Variants in PDE4DIP observed in about 807,000 individuals in gnomAD.
PDE4DIP encodes the protein myomegalin.
Under a neutral mutation model 221.4 loss-of-function variants are expected in PDE4DIP, and 59 were observed. The observed-to-expected ratio is 0.27, with a 90% CI of 0.22 to 0.33. PDE4DIP has a LOEUF of 0.33. Among genes scored for constraint, PDE4DIP ranks in the 10% least tolerant of loss-of-function variants. The probability of loss-of-function intolerance (pLI) is 1.00; values close to 1 mark genes in which losing one functional copy is unlikely to be tolerated. For synonymous variants in PDE4DIP, 404 were observed against 815.9 expected, an observed-to-expected ratio of 0.50 and a Z score of 8.60; for missense variants, 1,036 against 2,154.2, an observed-to-expected ratio of 0.48 and a Z score of 10.28.
chr1:148,964,255 T>A (rs1355865328), intron 9 of PDE4DIP, among the ~76,000 whole-genome samples: 2 of 151,860 alleles, frequency 1.3e-5, no homozygotes, highest in Admixed American at 6.6e-5. Flanking sequence ...ATTACAGGCA[T>A]GCGCCACCAC....
At chr1:148,975,400 G>A (rs71664013) in intron 17 of PDE4DIP, among the ~76,000 whole-genome samples, 6,306 of 145,512 alleles carry the variant, frequency 0.043, 307 homozygotes, top group East Asian at 0.38. Flanking sequence ...AAGTGGTGTC[G>A]GCCCAATTAT....
rs140149292 is a variant in PDE4DIP, at chr1:149,019,789, A to T, written c.5771-358A>T. On this transcript the variant is annotated intron_variant, in intron 35 of 43. Coordinates refer to ENST00000369354, the Ensembl canonical transcript of PDE4DIP. ...CAAAAACAAAAAATCTCAGTTTTCA[A>T]AATAATGAAAATGAGATCCAAAAAG... Among the ~76,000 whole-genome samples the T allele has an allele frequency of 2.8e-4, 42 of 152,320 alleles. No homozygotes were observed. The East Asian group carries it at 3.9e-3, about 14-fold the overall frequency.
intron 5 of PDE4DIP, among the ~76,000 whole-genome samples, chr1:148,949,824 T>G (rs1553486209): frequency 6.6e-6 from 1 of 151,814 alleles, no homozygotes; most frequent in Non-Finnish European, 1.5e-5. Context: ...TTTTGAACTA[T>G]TTTCTCTGGA....
chr1:149,014,857 G>C (rs1470273687), intron 32 of PDE4DIP, among the ~76,000 whole-genome samples: 4 of 152,114 alleles, frequency 2.6e-5, no homozygotes, highest in Non-Finnish European at 5.9e-5. Flanking sequence ...ACTGTGTATT[G>C]TGTGGCCAAT....
chr1:149,025,172 C>G (rs1553625997), intron 38 of PDE4DIP, among the ~76,000 whole-genome samples: 1 of 151,062 alleles, frequency 6.6e-6, no homozygotes, highest in African/African-American at 2.4e-5. Context: ...CATAAGAAAA[C>G]TTAGGTCCTG....
At position 149,009,846 on chromosome 1, in the gene PDE4DIP, A is replaced by G. The variant is rs2068063574; in HGVS notation, c.4927+55A>G. On this transcript the variant is annotated intron_variant, in intron 30 of 43. Transcript: ENST00000369354. ...TTTGTCTAGGCTGAGTGGAGAACTC[A>G]GGAAACAGGGCTTATAGCTCCACCA... 1.2e-5 allele frequency: 15 copies of G among 1,254,770 alleles called. No homozygotes were observed. The Admixed American group carries it at 2.5e-4, about 21-fold the overall frequency. 77.7% of individuals were successfully genotyped at this position (1,254,770 alleles called of 1,614,324 possible). A position where few individuals can be genotyped will look rare whatever the true frequency, so the allele number is the denominator to read the frequency against.
chr1:148,826,160 T>A lies in PDE4DIP; in HGVS notation c.233+17423T>A, dbSNP rs1670488610. Among the ~76,000 whole-genome samples, 2 of 96,394 alleles carry A rather than the reference T, an allele frequency of 2.1e-5. 1 individual carries two copies. The allele number at this position is 96,394 out of a possible 152,430, so 63.2% of individuals were successfully genotyped here. A position where few individuals can be genotyped will look rare whatever the true frequency, so the allele number is the denominator to read the frequency against. On this transcript the variant is annotated intron_variant, in intron 1 of 45. Coordinates refer to the PDE4DIP transcript ENST00000524974. ...GATCTGGTCCATCAGCACCAGACCC[T>A]TCTGGTTTTGATTTTTTTTCCCTCC...
At chr1:148,995,831 A>ATGC (rs2064070501) in intron 22 of PDE4DIP, among the ~76,000 whole-genome samples, 1 of 150,352 alleles carries the variant, frequency 6.7e-6, no homozygotes, top group African/African-American at 2.4e-5. Context: ...GCTGCACATT[A>ATGC]TGCACATGTA....
intron 5 of PDE4DIP, among the ~76,000 whole-genome samples, chr1:148,951,638 C>G (rs2151256243): frequency 6.6e-6 from 1 of 151,220 alleles, no homozygotes; most frequent in Non-Finnish European, 1.5e-5. Flanking sequence ...TGGTGGTAAT[C>G]TACTCGCGGC....
At chr1:148,937,972 C>T in intron 5 of PDE4DIP, 108 bp downstream of exon 8, 2 of 568,606 alleles carry the variant, frequency 3.5e-6, no homozygotes. Flanking sequence ...CAGATTACTA[C>T]AAACTTAGCA....
chr1:148,937,844 C>G (rs782064744), exon 5 of PDE4DIP: 1 of 944,808 alleles, frequency 1.1e-6, no homozygotes, highest in Non-Finnish European at 1.7e-6. Flanking sequence ...GTTGGAGGAG[C>G]CAACTAGCAT....
At chr1:148,975,329 T>C (rs1390138494) in intron 17 of PDE4DIP, among the ~76,000 whole-genome samples, 2 of 145,714 alleles carry the variant, frequency 1.4e-5, no homozygotes, top group Middle Eastern at 3.4e-3. Flanking sequence ...CAAGTATTCA[T>C]GTGCAATGTA....
chr1:148,885,889 GTTA>G (rs1367894158), upstream of PDE4DIP, among the ~76,000 whole-genome samples: 5 of 111,738 alleles, frequency 4.5e-5, no homozygotes, highest in African/African-American at 1.6e-4. Flanking sequence ...TACCATATAT[GTTA>G]TTAATATATA....
Position 148,863,289 on chromosome 1 carries a change from A to C in PDE4DIP, c.273A>C (p.Arg91Ser), listed in dbSNP as rs781806093. The C allele has an allele frequency of 2.8e-5, 13 of 465,566 alleles. 2 individuals are homozygous for C. The highest frequency in any genetic ancestry group is 2.5e-4 in the Admixed American group (7 of 28,012). 28.8% of individuals were successfully genotyped at this position (465,566 alleles called of 1,614,324 possible). Reference sequence around the variant, plus strand: ...AGGATGATGGGGAGATGGTACCCAGAACGAGTCACACAGCAGGTAAGGATG... The same window carrying C: ...AGGATGATGGGGAGATGGTACCCAGCACGAGTCACACAGCAGGTAAGGATG... Residue 91 changes from arginine to serine, a missense_variant, in exon 2 of 46, where the codon AGA (arginine) becomes AGC (serine). Physicochemically the swap from Arg to Ser is moderately radical, Grantham distance 110 (BLOSUM62 -1). Coordinates refer to the PDE4DIP transcript ENST00000524974.
chr1:148,989,406 C>G, intron 21 of PDE4DIP: 2 of 759,318 alleles, frequency 2.6e-6, no homozygotes, highest in Non-Finnish European at 3.3e-6. Context: ...ACCATAGCAT[C>G]CTGCTCTTAA....
chr1:149,000,479 CA>C (rs1553573807), intron 23 of PDE4DIP, among the ~76,000 whole-genome samples: 1 of 151,562 alleles, frequency 6.6e-6, no homozygotes, highest in Admixed American at 6.6e-5. Flanking sequence ...TGCTTGAACC[CA>C]GGGGTGGAGG....
At chr1:148,999,240 T>A (rs2065053726) in intron 23 of PDE4DIP, 1 of 150,600 alleles carries the variant, frequency 6.6e-6, no homozygotes, top group Non-Finnish European at 1.5e-5. Flanking sequence ...AACATGCTGA[T>A]ACTGTAGGGC....
At chr1:149,025,478 T>G (rs1446369331) in intron 38 of PDE4DIP, among the ~76,000 whole-genome samples, 1 of 152,208 alleles carries the variant, frequency 6.6e-6, no homozygotes, top group Non-Finnish European at 1.5e-5. Context: ...CCTTTTCAGA[T>G]AGGCGTGTTT....
intron 2 of PDE4DIP, chr1:148,929,579 A>T (rs765590950): frequency 3.2e-6 from 1 of 311,004 alleles, no homozygotes; most frequent in Admixed American, 4.7e-5. Flanking sequence ...AAATGCAAAT[A>T]AGCTTTATCA....
Sources: allele counts gnomAD v4.1 joint callset (sites outside exome capture counted in the v4.1 genomes callset), GRCh38; gene constraint gnomAD v4.1.1; transcripts MANE v1.5; gene names NCBI Gene and HGNC (gene_info 2026-07-23, HGNC 2026-07-21).